The following LRGUK variants were observed in gnomAD, a reference collection of about 807,000 sequenced individuals.
LRGUK encodes leucine-rich repeat and guanylate kinase domain-containing protein.
A neutral mutation model predicts 76.0 loss-of-function variants in LRGUK; 65 were observed. The observed-to-expected ratio is 0.85, with a 90% confidence interval of 0.70 to 1.05. LRGUK has a LOEUF of 1.05. LRGUK is among the 50% of genes least tolerant of loss of function. LRGUK has a pLI of 0.00. For missense variants in LRGUK, 758 were observed against 732.8 expected (o/e 1.03, Z -0.40); for synonymous variants, 268 against 265.6 (o/e 1.01, Z -0.09).
At chr7:134,214,427 A>G (rs1255286875), downstream of LRGUK, among the ~76,000 whole-genome samples, 1 of 152,196 alleles carries the variant, frequency 6.6e-6, no homozygotes, top group Non-Finnish European at 1.5e-5. Flanking sequence ...ATCATAAGGA[A>G]CTCACTTATG....
At chr7:134,212,493 T>TA, downstream of LRGUK, among the ~76,000 whole-genome samples, 1 of 152,330 alleles carries the variant, frequency 6.6e-6, no homozygotes, top group East Asian at 1.9e-4. Context: ...TTTCAAATGT[T>TA]ATTTCAAGGG....
At chr7:134,220,823 G>A (rs187719163) in intron 15 of LRGUK, among the ~76,000 whole-genome samples, 10 of 152,170 alleles carry the variant, frequency 6.6e-5, no homozygotes, top group African/African-American at 1.9e-4. Flanking sequence ...GCCAACCTCA[G>A]CCTCCCAAAG....
downstream of LRGUK, among the ~76,000 whole-genome samples, chr7:134,213,143 G>A (rs1656145740): frequency 2.0e-5 from 3 of 152,196 alleles, no homozygotes; most frequent in Admixed American, 2.0e-4. Flanking sequence ...CCGAATGCCA[G>A]GAGAGATGCA....
At position 134,187,328 on chromosome 7, in the gene LRGUK, C is replaced by T. The variant is rs146894107; in HGVS notation, c.1334+3475C>T. Among the ~76,000 whole-genome samples the T allele has an allele frequency of 6.7e-3, 1,016 of 152,234 alleles. 33 individuals are homozygous for T. Among genetic ancestry groups the T allele is most frequent in the Non-Finnish European group, 4.0e-3 (273 of 68,024 alleles). Reference sequence around the variant, plus strand: ...GAAAAAAGGCGTGCATAGAGAGTCTCATGGTGAAACATAAAAGCATTTACA... The same window carrying T: ...GAAAAAAGGCGTGCATAGAGAGTCTTATGGTGAAACATAAAAGCATTTACA... On this transcript the variant is annotated intron_variant, in intron 11 of 15. Coordinates refer to ENST00000645682, the Ensembl canonical transcript of LRGUK.
the LRGUK span, among the ~76,000 whole-genome samples, chr7:134,271,971 C>T: frequency 6.6e-6 from 1 of 151,872 alleles, no homozygotes; most frequent in African/African-American, 2.4e-5. Context: ...AACAATATTC[C>T]TTTTCTTTCC....
chr7:134,130,510 TATTA>T (rs1172568424), intron 1 of LRGUK, among the ~76,000 whole-genome samples: 3 of 152,270 alleles, frequency 2.0e-5, no homozygotes, highest in Non-Finnish European at 4.4e-5. Flanking sequence ...ACATTCTAAA[TATTA>T]ATTTTGTGTT....
intron 3 of LRGUK, among the ~76,000 whole-genome samples, chr7:134,142,147 G>C (rs1797792359): frequency 6.6e-6 from 1 of 152,122 alleles, no homozygotes; most frequent in Admixed American, 6.5e-5. Context: ...TCCCACTAGA[G>C]GCCATCCCCA....
chr7:134,164,494 A>G (rs11975308), intron 7 of LRGUK, among the ~76,000 whole-genome samples: 20,054 of 152,234 alleles, frequency 0.13, 1,671 homozygotes, highest in East Asian at 0.32. Flanking sequence ...GTTCCTAATC[A>G]TGGCATATTA....
intron 2 of LRGUK, among the ~76,000 whole-genome samples, chr7:134,137,387 T>C (rs1282031233): frequency 6.6e-6 from 1 of 152,232 alleles, no homozygotes; most frequent in African/African-American, 2.4e-5. Flanking sequence ...GTCTATATTA[T>C]AGTAATCAAT....
At chr7:134,203,535 A>T (rs1800876434) in intron 15 of LRGUK, among the ~76,000 whole-genome samples, 1 of 152,214 alleles carries the variant, frequency 6.6e-6, no homozygotes. Flanking sequence ...AATGAGGTCA[A>T]CGTGAAACTG....
chr7:134,235,692 A>G (rs1225753891), intron 16 of LRGUK, among the ~76,000 whole-genome samples: 4 of 152,184 alleles, frequency 2.6e-5, no homozygotes, highest in African/African-American at 9.7e-5. Context: ...ATTTTATACG[A>G]TGCTAGGCAC....
At chr7:134,221,675 T>G in intron 15 of LRGUK, 104 bp from the exon 16 acceptor site, 1 of 800,978 alleles carries the variant, frequency 1.2e-6, no homozygotes, top group Non-Finnish European at 1.8e-6. Context: ...ATTTTAAGTA[T>G]CCAGCTTGTT....
At chr7:134,259,823 G>A (rs1466982220) in intron 19 of LRGUK, among the ~76,000 whole-genome samples, 1 of 152,164 alleles carries the variant, frequency 6.6e-6, no homozygotes, top group Non-Finnish European at 1.5e-5. Context: ...TGCCACTCCA[G>A]GGCCCGAGGG....
chr7:134,169,546 T>C (rs1394511779), intron 7 of LRGUK, among the ~76,000 whole-genome samples: 2 of 152,198 alleles, frequency 1.3e-5, no homozygotes, highest in Admixed American at 6.5e-5. Context: ...TTTTATGTTT[T>C]ATTGAAGAAA....
intron 19 of LRGUK, among the ~76,000 whole-genome samples, chr7:134,263,352 C>T (rs947689485): frequency 7.7e-6 from 1 of 129,378 alleles, no homozygotes; most frequent in African/African-American, 2.5e-5. Flanking sequence ...GTGAGCAGAC[C>T]AATCTTTAGA....
downstream of LRGUK, among the ~76,000 whole-genome samples, chr7:134,269,582 T>C (rs1338944303): frequency 6.6e-6 from 1 of 152,086 alleles, no homozygotes; most frequent in East Asian, 1.9e-4. Flanking sequence ...ACTCCTGGCC[T>C]CAAGTGATCT....
At position 134,263,726 on chromosome 7, in the gene LRGUK, T is replaced by C. The variant is rs1295952040; in HGVS notation, c.2348-119T>C. The C allele has an allele frequency of 5.9e-6, 6 of 1,014,994 alleles. No individual in the cohort carries two copies. The African/African-American group carries it at 6.8e-5, about 11-fold the overall frequency. 62.9% of individuals were successfully genotyped at this position (1,014,994 alleles called of 1,614,324 possible). ...CACTGCACCTGGCCTCATTTATTTC[T>C]TATAGTTTGTCATGAACGAATTCTA... On this transcript the variant is annotated intron_variant, in intron 19 of 19. Transcript: ENST00000285928.
At chr7:134,139,285 C>G (rs2116831554) in intron 2 of LRGUK, 151 bp from the exon 3 acceptor site, 1 of 581,916 alleles carries the variant, frequency 1.7e-6, no homozygotes, top group Non-Finnish European at 3.0e-6. Context: ...TTTTGAGATC[C>G]TATTAGTAGC....
At chr7:134,180,496 C>A (rs1255547138) in intron 10 of LRGUK, among the ~76,000 whole-genome samples, 4 of 151,936 alleles carry the variant, frequency 2.6e-5, no homozygotes, top group African/African-American at 9.7e-5. Flanking sequence ...TTTACTCAAC[C>A]TCCTCGCTAT....
Sources: gnomAD v4.1 joint callset for allele counts (sites outside exome capture counted in the v4.1 genomes callset) on GRCh38, gnomAD v4.1.1 for gene constraint, MANE v1.5 for transcripts, NCBI Gene and HGNC (gene_info 2026-07-23, HGNC 2026-07-21) for gene names.